Variants in LRMDA observed in about 807,000 individuals in gnomAD.
The protein encoded by LRMDA is leucine-rich melanocyte differentiation-associated protein.
In LRMDA, 18 loss-of-function variants were observed where a neutral mutation model predicts 29.8. The observed-to-expected ratio is 0.60, with a 90% CI of 0.42 to 0.90. The LOEUF (loss-of-function observed/expected upper bound fraction) is 0.90, where lower values mean the gene tolerates loss of function less well. Ranked by LOEUF, LRMDA falls within the 40% of genes least tolerant of loss-of-function variation. The pLI is 0.00. For synonymous variants in LRMDA, 125 were observed against 109.4 expected (o/e 1.14, Z -0.89); for missense variants, 273 against 273.9 (o/e 1.00, Z 0.02).
Position 76,497,229 on chromosome 10 carries a change from C to A in LRMDA, c.602-59980C>A, listed in dbSNP as rs1218678971. Among the ~76,000 whole-genome samples, 8 of 73,936 alleles carry A rather than the reference C, an allele frequency of 1.1e-4. 4 individuals carry two copies. The highest frequency in any genetic ancestry group is 3.6e-4 in the Non-Finnish European group (8 of 22,384). The allele number at this position is 73,936 out of a possible 152,430, so 48.5% of individuals were successfully genotyped here. ...TCTTTTAAAAGATATTTCAAACTTT[C>A]TTTTCATACATTTCTCTTATATATT... On this transcript the variant is annotated intron_variant, in intron 6 of 6. Transcript: ENST00000611255.
At chr10:75,618,781 T>G (rs1841143239) in intron 2 of LRMDA, among the ~76,000 whole-genome samples, 1 of 148,444 alleles carries the variant, frequency 6.7e-6, no homozygotes, top group African/African-American at 2.5e-5. Context: ...TTTACTCTTT[T>G]TTTTTTTTTT....
chr10:75,977,885 C>T (rs1847101513), intron 2 of LRMDA, among the ~76,000 whole-genome samples: 1 of 151,550 alleles, frequency 6.6e-6, no homozygotes, highest in African/African-American at 2.4e-5. Flanking sequence ...AGGTACTTAA[C>T]CTCTCTGTGC....
At chr10:76,362,008 T>C (rs1841318878) in intron 6 of LRMDA, among the ~76,000 whole-genome samples, 1 of 152,192 alleles carries the variant, frequency 6.6e-6, no homozygotes, top group African/African-American at 2.4e-5. Context: ...AAAGCAGTAC[T>C]TCTCCCGACT....
intron 5 of LRMDA, among the ~76,000 whole-genome samples, chr10:76,169,720 G>GT (rs1850801420): frequency 1.3e-5 from 2 of 152,158 alleles, no homozygotes; most frequent in African/African-American, 4.8e-5. Flanking sequence ...GTCCTACCAA[G>GT]TTCAGTGTTT....
intron 2 of LRMDA, among the ~76,000 whole-genome samples, chr10:75,658,521 G>T (rs1841708506): frequency 6.6e-6 from 1 of 152,056 alleles, no homozygotes; most frequent in African/African-American, 2.4e-5. Context: ...TCTGGAGCGG[G>T]GTGGCTTCTG....
chr10:75,954,442 TC>T (rs1846631437), intron 2 of LRMDA, among the ~76,000 whole-genome samples: 1 of 152,250 alleles, frequency 6.6e-6, no homozygotes, highest in South Asian at 2.1e-4. Flanking sequence ...ATACTGCATC[TC>T]ATGTTGCTAA....
At chr10:75,802,397 C>G (rs914568145) in intron 2 of LRMDA, among the ~76,000 whole-genome samples, 1 of 151,702 alleles carries the variant, frequency 6.6e-6, no homozygotes, top group South Asian at 2.1e-4. Context: ...TAAGGAAGGC[C>G]GGTCTAGCAT....
At chr10:75,447,488 T>C (rs1844409043) in intron 2 of LRMDA, among the ~76,000 whole-genome samples, 1 of 152,232 alleles carries the variant, frequency 6.6e-6, no homozygotes, top group South Asian at 2.1e-4. Context: ...ATCACACCAC[T>C]GCACACCAGC....
intron 2 of LRMDA, among the ~76,000 whole-genome samples, chr10:75,700,537 G>T (rs549503362): frequency 6.6e-6 from 1 of 150,876 alleles, no homozygotes; most frequent in South Asian, 2.1e-4. Context: ...CTGGGTTCAC[G>T]CCATTTTCCT....
chr10:75,465,973 A>T (rs1230965125), intron 2 of LRMDA, among the ~76,000 whole-genome samples: 1 of 152,218 alleles, frequency 6.6e-6, no homozygotes. Context: ...GCTGTATTTT[A>T]TGATTAAGGC....
chr10:76,392,737 A>G (rs907836611), intron 6 of LRMDA, among the ~76,000 whole-genome samples: 1 of 152,100 alleles, frequency 6.6e-6, no homozygotes, highest in Non-Finnish European at 1.5e-5. Context: ...AGAATACAAC[A>G]TATTGTTATA....
chr10:75,527,651 A>G (rs1845427759), intron 2 of LRMDA, among the ~76,000 whole-genome samples: 1 of 148,314 alleles, frequency 6.7e-6, no homozygotes, highest in East Asian at 1.9e-4. Context: ...TATGTAATAT[A>G]CTGTATACTA....
intron 5 of LRMDA, among the ~76,000 whole-genome samples, chr10:76,158,429 C>T (rs1554851993): frequency 6.6e-6 from 1 of 152,050 alleles, no homozygotes; most frequent in Non-Finnish European, 1.5e-5. Context: ...TGTTTTTAGG[C>T]ACTTATTCTA....
intron 2 of LRMDA, among the ~76,000 whole-genome samples, chr10:75,734,995 C>T (rs975888305): frequency 9.2e-5 from 14 of 152,172 alleles, no homozygotes; most frequent in East Asian, 5.8e-4. Flanking sequence ...TTTTAGCATT[C>T]GCTCTAATTT....
intron 2 of LRMDA, among the ~76,000 whole-genome samples, chr10:76,035,096 G>GTTT (rs397847311): frequency 1.1e-3 from 152 of 138,070 alleles, no homozygotes; most frequent in Non-Finnish European, 2.1e-4. Flanking sequence ...CCTTTCTGCT[G>GTTT]TTTTTTTTTT....
chr10:75,697,172 A>AT (rs951491430), intron 2 of LRMDA, among the ~76,000 whole-genome samples: 4 of 152,052 alleles, frequency 2.6e-5, no homozygotes, highest in African/African-American at 4.8e-5. Flanking sequence ...ATGTTTATTG[A>AT]TTTTTTTGCC....
intron 2 of LRMDA, among the ~76,000 whole-genome samples, chr10:75,507,800 A>G (rs748656476): frequency 2.0e-5 from 3 of 152,152 alleles, no homozygotes; most frequent in Non-Finnish European, 4.4e-5. Flanking sequence ...TGTTTCTTTT[A>G]TATATATTTT....
chr10:75,711,225 A>G (rs1353404411), intron 2 of LRMDA, among the ~76,000 whole-genome samples: 1 of 152,190 alleles, frequency 6.6e-6, no homozygotes, highest in Non-Finnish European at 1.5e-5. Flanking sequence ...CATCTGTTGG[A>G]CAAGGAGTTG....
chr10:75,669,579 T>C (rs1466510590), intron 2 of LRMDA, among the ~76,000 whole-genome samples: 2 of 152,238 alleles, frequency 1.3e-5, no homozygotes, highest in Non-Finnish European at 2.9e-5. Flanking sequence ...TTACAGTAAA[T>C]TTGCAGCTGA....
Sources: allele counts gnomAD v4.1 joint callset (sites outside exome capture counted in the v4.1 genomes callset), GRCh38; gene constraint gnomAD v4.1.1; transcripts MANE v1.5; gene names NCBI Gene and HGNC (gene_info 2026-07-23, HGNC 2026-07-21).